STAU2: variants seen among roughly 807,000 people sequenced by gnomAD.
The protein encoded by STAU2 is staufen double-stranded RNA binding protein 2.
In STAU2, 20 loss-of-function variants were observed where a neutral mutation model predicts 65.9. That is an observed-to-expected ratio of 0.30 (90% CI 0.21 to 0.44). The LOEUF is 0.44. Among genes scored for constraint, STAU2 ranks in the 20% least tolerant of loss-of-function variants. The pLI, the probability that STAU2 is intolerant of heterozygous loss-of-function variation, is 1.00. For missense variants in STAU2, 558 were observed against 683.9 expected (o/e 0.82, Z 2.05); for synonymous variants, 232 against 233.9 (o/e 0.99, Z 0.07).
intron 13 of STAU2, among the ~76,000 whole-genome samples, chr8:73,467,074 C>A (rs1250997734): frequency 6.6e-6 from 1 of 152,202 alleles, no homozygotes; most frequent in Non-Finnish European, 1.5e-5. Flanking sequence ...ATGCACACAC[C>A]TCTTTCAGCA....
intron 13 of STAU2, among the ~76,000 whole-genome samples, chr8:73,433,757 C>A (rs982778374): frequency 4.6e-5 from 7 of 151,906 alleles, no homozygotes; most frequent in Admixed American, 4.6e-4. Context: ...TCTGCCCCAG[C>A]CGCCCAAAGT....
chr8:73,661,324 C>T lies in STAU2; in HGVS notation c.410+11783G>A, dbSNP rs569435384. On this transcript the variant is annotated intron_variant, in intron 6 of 14. Transcript: ENST00000524300. ...CCCTATAAGGTAAATATTATTTTAACCTCTAGAAAAACATTTACAATGTTT... is the reference window on the plus strand; with the variant it reads ...CCCTATAAGGTAAATATTATTTTAATCTCTAGAAAAACATTTACAATGTTT... Among the ~76,000 whole-genome samples, 4 of 152,274 alleles carry T rather than the reference C, an allele frequency of 2.6e-5. No individual in the cohort carries two copies. In the South Asian group the frequency reaches 6.2e-4, roughly 24 times the overall value.
intron 3 of STAU2, among the ~76,000 whole-genome samples, chr8:73,737,697 T>G (rs1029155389): frequency 1.4e-4 from 22 of 151,848 alleles, no homozygotes; most frequent in Non-Finnish European, 3.1e-4. Context: ...CCACCCAGCC[T>G]GGCCAAAAGT....
At chr8:73,556,787 G>A (rs1335032703) in intron 12 of STAU2, among the ~76,000 whole-genome samples, 1 of 152,132 alleles carries the variant, frequency 6.6e-6, no homozygotes, top group East Asian at 1.9e-4. Flanking sequence ...CAGAAAGCAG[G>A]TCAGTGGTTG....
At chr8:73,652,180 A>G (rs1006467936) in intron 6 of STAU2, 1 of 152,204 alleles carries the variant, frequency 6.6e-6, no homozygotes, top group African/African-American at 2.4e-5. Flanking sequence ...GAAGGGGGAA[A>G]AAAAAGAAAT....
chr8:73,545,855 G>A (rs1806881437), intron 13 of STAU2, among the ~76,000 whole-genome samples: 1 of 151,420 alleles, frequency 6.6e-6, no homozygotes, highest in East Asian at 1.9e-4. Flanking sequence ...CACCGTGTTA[G>A]CCAGGATGGT....
intron 6 of STAU2, among the ~76,000 whole-genome samples, chr8:73,647,940 C>T (rs1295199773): frequency 6.6e-6 from 1 of 152,128 alleles, no homozygotes; most frequent in Non-Finnish European, 1.5e-5. Flanking sequence ...CAAAATGAAA[C>T]AGAACTACAA....
At chr8:73,642,554 C>T (rs1351800342) in intron 6 of STAU2, among the ~76,000 whole-genome samples, 4 of 152,088 alleles carry the variant, frequency 2.6e-5, no homozygotes, top group Non-Finnish European at 5.9e-5. Flanking sequence ...ATCTTCCACT[C>T]TTCTGAAAAT....
intron 5 of STAU2, among the ~76,000 whole-genome samples, chr8:73,687,878 A>T (rs1382563691): frequency 6.6e-6 from 1 of 151,276 alleles, no homozygotes; most frequent in Admixed American, 6.6e-5. Context: ...TGTCCAGCTA[A>T]TTTTTTTGTA....
chr8:73,701,470 T>C (rs1295580307), intron 4 of STAU2, among the ~76,000 whole-genome samples: 2 of 151,942 alleles, frequency 1.3e-5, no homozygotes, highest in African/African-American at 2.4e-5. Flanking sequence ...CAAACAGGTA[T>C]ATGAAAAGGT....
chr8:73,633,382 G>C (rs1458139597), intron 6 of STAU2, among the ~76,000 whole-genome samples: 1 of 152,178 alleles, frequency 6.6e-6, no homozygotes, highest in Admixed American at 6.5e-5. Flanking sequence ...ACTTAAAAGT[G>C]AATGATTGCA....
At chr8:73,488,507 A>T (rs1051687260) in intron 13 of STAU2, among the ~76,000 whole-genome samples, 3 of 152,000 alleles carry the variant, frequency 2.0e-5, no homozygotes, top group African/African-American at 7.2e-5. Flanking sequence ...AACTTTAAAA[A>T]TCACCTTGAG....
intron 11 of STAU2, among the ~76,000 whole-genome samples, chr8:73,583,033 T>A (rs536250191): frequency 6.6e-6 from 1 of 152,204 alleles, no homozygotes; most frequent in Non-Finnish European, 1.5e-5. Flanking sequence ...CTAAATCTAC[T>A]TATGTCCTTC....
chr8:73,465,707 C>T (rs1179219836), intron 13 of STAU2, among the ~76,000 whole-genome samples: 2 of 152,200 alleles, frequency 1.3e-5, no homozygotes, highest in African/African-American at 4.8e-5. Flanking sequence ...TGCTCACTGG[C>T]GTGTGCATAT....
chr8:73,437,474 CT>C (rs1366771032), intron 13 of STAU2, among the ~76,000 whole-genome samples: 1 of 152,176 alleles, frequency 6.6e-6, no homozygotes, highest in African/African-American at 2.4e-5. Context: ...GAAACGGCTT[CT>C]CCCCTAGAGC....
At chr8:73,434,808 C>T (rs1252881434) in intron 13 of STAU2, among the ~76,000 whole-genome samples, 1 of 151,800 alleles carries the variant, frequency 6.6e-6, no homozygotes, top group Non-Finnish European at 1.5e-5. Context: ...TTGTTCATTC[C>T]TTCAGCCCAT....
At chr8:73,644,446 T>TA (rs11330650) in intron 6 of STAU2, among the ~76,000 whole-genome samples, 1,627 of 136,444 alleles carry the variant, frequency 0.012, 20 homozygotes, top group East Asian at 0.027. Context: ...TCCTGTCTCT[T>TA]AAAAAAAAAA....
At chr8:73,591,474 C>T (rs750316096) in intron 11 of STAU2, among the ~76,000 whole-genome samples, 9 of 151,968 alleles carry the variant, frequency 5.9e-5, no homozygotes, top group Non-Finnish European at 1.3e-4. Context: ...TATATGCTTT[C>T]TAAAAGAAAC....
intron 6 of STAU2, among the ~76,000 whole-genome samples, chr8:73,642,117 T>C (rs888018695): frequency 6.6e-6 from 1 of 152,166 alleles, no homozygotes; most frequent in Non-Finnish European, 1.5e-5. Flanking sequence ...TGTTTCGGTT[T>C]TGGTTTTGTT....
Sources: allele counts gnomAD v4.1 joint callset (sites outside exome capture counted in the v4.1 genomes callset), GRCh38; gene constraint gnomAD v4.1.1; transcripts MANE v1.5; gene names NCBI Gene and HGNC (gene_info 2026-07-23, HGNC 2026-07-21).